Variants in SMYD1 observed in about 807,000 individuals in gnomAD.
SMYD1 encodes histone-lysine N-methyltransferase SMYD1.
A neutral mutation model predicts 54.0 loss-of-function variants in SMYD1; 49 were observed. That is an observed-to-expected ratio of 0.91 (90% CI 0.72 to 1.15). SMYD1 has a LOEUF of 1.15. Ranked by LOEUF, SMYD1 falls within the 50% of genes most tolerant of loss-of-function variation. The pLI, the probability that SMYD1 is intolerant of heterozygous loss-of-function variation, is 0.00. For missense variants in SMYD1, 653 were observed against 639.6 expected (o/e 1.02, Z -0.23); for synonymous variants, 269 against 234.2 (o/e 1.15, Z -1.36).
At chr2:88,103,911 A>T (rs1174820146) in intron 7 of SMYD1, among the ~76,000 whole-genome samples, 3 of 152,006 alleles carry the variant, frequency 2.0e-5, no homozygotes, top group Non-Finnish European at 2.9e-5. Flanking sequence ...TCGAATGTTA[A>T]TGTCACTAGG....
At chr2:88,075,274 C>T (rs1476902316) in intron 1 of SMYD1, among the ~76,000 whole-genome samples, 1 of 152,046 alleles carries the variant, frequency 6.6e-6, no homozygotes, top group Non-Finnish European at 1.5e-5. Context: ...AGAATGATTG[C>T]CTTTTAAAGA....
chr2:88,095,704 A>G (rs1395851052), intron 5 of SMYD1, among the ~76,000 whole-genome samples: 2 of 152,024 alleles, frequency 1.3e-5, no homozygotes, highest in Non-Finnish European at 2.9e-5. Flanking sequence ...ATGGTTTAGG[A>G]CCCAGCTTGC....
chr2:88,093,396 G>C, intron 4 of SMYD1, 121 bp from the exon 5 acceptor site: 3 of 1,168,834 alleles, frequency 2.6e-6, no homozygotes, highest in Non-Finnish European at 3.9e-6. Flanking sequence ...CTAGGATAAA[G>C]GTTATTGTGA....
chr2:88,096,934 C>A, intron 6 of SMYD1, 150 bp downstream of exon 6: 3 of 764,924 alleles, frequency 3.9e-6, no homozygotes, highest in Non-Finnish European at 6.1e-6. Flanking sequence ...GAGAGCAGAG[C>A]ACCGCAGGTA....
At chr2:88,101,466 G>A (rs754557112) in intron 6 of SMYD1, among the ~76,000 whole-genome samples, 3 of 152,202 alleles carry the variant, frequency 2.0e-5, no homozygotes, top group Non-Finnish European at 4.4e-5. Context: ...TATAATTCCA[G>A]TTAGAAAAAA....
rs759750042 is a variant in SMYD1, at chr2:88,084,311, T to C, written c.138-5T>C. The C allele has an allele frequency of 2.3e-5, 36 of 1,561,576 alleles. No individual in the cohort carries two copies. The highest frequency in any genetic ancestry group is 3.1e-5 in the Non-Finnish European group (35 of 1,139,752). ...CAATCATGTGTCTTCTTTCTCCATTTCCAGCCTTGTTAATTTTGTGTGCCA... is the reference window on the plus strand; with the variant it reads ...CAATCATGTGTCTTCTTTCTCCATTCCCAGCCTTGTTAATTTTGTGTGCCA... On this transcript the variant is annotated splice_polypyrimidine_tract_variant and splice_region_variant and intron_variant, in intron 1 of 9. Transcript: ENST00000419482.
intron 1 of SMYD1, among the ~76,000 whole-genome samples, chr2:88,083,749 T>C (rs754508993): frequency 2.0e-5 from 3 of 152,182 alleles, no homozygotes; most frequent in African/African-American, 4.8e-5. Flanking sequence ...CTGAATTGAA[T>C]TGAAGGGCTT....
chr2:88,098,440 A>G (rs1262699922), intron 6 of SMYD1, among the ~76,000 whole-genome samples: 2 of 152,162 alleles, frequency 1.3e-5, no homozygotes, highest in African/African-American at 4.8e-5. Context: ...TCTTGATATA[A>G]AAGATTGATG....
At chr2:88,083,629 A>G (rs1235043508) in intron 1 of SMYD1, among the ~76,000 whole-genome samples, 1 of 152,210 alleles carries the variant, frequency 6.6e-6, no homozygotes, top group African/African-American at 2.4e-5. Flanking sequence ...TTTGCATACA[A>G]TACTGTGTTC....
rs772493947 is a variant in SMYD1 at position 88,110,334 on chromosome 2, G to A, written c.1315-20G>A. On this transcript the variant is annotated intron_variant, in intron 9 of 9. Transcript: ENST00000419482. The stretch of plus-strand genomic sequence containing the variant: ...CTAGGGGCTTGCTATCACTGTTTAC[G>A]GTGTATCTGTGTCCCACAGGCCATG... 6 of 1,598,664 alleles carry A rather than the reference G, an allele frequency of 3.8e-6. No individual in the cohort carries two copies. The African/African-American group carries it at 4.0e-5, about 11-fold the overall frequency.
At chr2:88,084,730 T>C (rs531880881) in intron 2 of SMYD1, among the ~76,000 whole-genome samples, 137 of 152,118 alleles carry the variant, frequency 9.0e-4, no homozygotes, top group African/African-American at 2.9e-3. Context: ...AGATTCCTTC[T>C]GTAGGGCTCC....
intron 4 of SMYD1, among the ~76,000 whole-genome samples, chr2:88,092,950 C>T (rs1051388320): frequency 1.2e-4 from 19 of 152,238 alleles, no homozygotes; most frequent in African/African-American, 4.6e-4. Context: ...TTTATCCAGG[C>T]TTCTTGGCTT....
intron 8 of SMYD1, among the ~76,000 whole-genome samples, chr2:88,106,694 C>G (rs533878597): frequency 6.6e-6 from 1 of 152,086 alleles, no homozygotes; most frequent in Non-Finnish European, 1.5e-5. Context: ...TGAGATGAAA[C>G]CTATTTGTCA....
chr2:88,094,280 G>A (rs1209668029), intron 5 of SMYD1, among the ~76,000 whole-genome samples: 1 of 152,252 alleles, frequency 6.6e-6, no homozygotes, highest in Non-Finnish European at 1.5e-5. Context: ...TTCCACATCT[G>A]TAGAGAAAGG....
intron 4 of SMYD1, among the ~76,000 whole-genome samples, chr2:88,091,399 T>A (rs1356294704): frequency 1.3e-5 from 2 of 152,218 alleles, no homozygotes; most frequent in African/African-American, 4.8e-5. Flanking sequence ...GATAAACCTT[T>A]AACTACTATT....
chr2:88,104,168 A>G (rs10168951), intron 7 of SMYD1, among the ~76,000 whole-genome samples: 20,250 of 152,010 alleles, frequency 0.13, 1,797 homozygotes, highest in East Asian at 0.25. Context: ...GGGTTTCACC[A>G]TGTTAGCCAG....
intron 1 of SMYD1, 58 bp downstream of exon 1, chr2:88,068,059 A>G: frequency 6.5e-7 from 1 of 1,548,074 alleles, no homozygotes; most frequent in South Asian, 1.2e-5. Flanking sequence ...CCAAACTCTA[A>G]AATACTTTGC....
At chr2:88,086,285 T>C (rs1434016069) in intron 2 of SMYD1, among the ~76,000 whole-genome samples, 5 of 152,114 alleles carry the variant, frequency 3.3e-5, no homozygotes, top group Admixed American at 3.3e-4. Context: ...TTAAAAAAAA[T>C]GAGGAGAGGG....
rs949364782 is a variant in SMYD1, at chr2:88,108,242, C to G, written c.1146-129C>G. ...TGCCTCAGTTCCCCCTTGGCGGCTACAGAAGCCTTGCAGTGCTGAGGGGAA... is the reference window on the plus strand; with the variant it reads ...TGCCTCAGTTCCCCCTTGGCGGCTAGAGAAGCCTTGCAGTGCTGAGGGGAA... On this transcript the variant is annotated intron_variant, in intron 8 of 9. Coordinates refer to ENST00000419482, the MANE Select transcript of SMYD1 (RefSeq NM_198274.4). 1.0e-4 allele frequency: 91 copies of G among 875,770 alleles called. No homozygotes were observed. The Admixed American group carries it at 1.2e-3, about 11-fold the overall frequency. The allele number at this position is 875,770 out of a possible 1,614,324, so 54.2% of individuals were successfully genotyped here. A position where few individuals can be genotyped will look rare whatever the true frequency, so the allele number is the denominator to read the frequency against.
Sources: gnomAD v4.1 joint callset for allele counts (sites outside exome capture counted in the v4.1 genomes callset) on GRCh38, gnomAD v4.1.1 for gene constraint, MANE v1.5 for transcripts, NCBI Gene and HGNC (gene_info 2026-07-23, HGNC 2026-07-21) for gene names.